The following AOX1 variants were observed in gnomAD, a reference collection of about 807,000 sequenced individuals.
AOX1 encodes aldehyde oxidase 1.
Under a neutral mutation model 169.5 loss-of-function variants are expected in AOX1, and 153 were observed. The ratio of observed to expected loss-of-function variants is 0.90; its 90% CI spans 0.79 to 1.03. The LOEUF (loss-of-function observed/expected upper bound fraction) is 1.03, where lower values mean the gene tolerates loss of function less well. Among genes scored for constraint, AOX1 ranks in the 50% least tolerant of loss-of-function variants. AOX1 has a pLI of 0.00. For missense variants in AOX1, 1,656 were observed against 1,663.9 expected, an observed-to-expected ratio of 1.00 and a Z score of 0.08; for synonymous variants, 562 against 581.9, an observed-to-expected ratio of 0.97 and a Z score of 0.49.
At chr2:200,619,581 C>T (rs1215363082) in intron 16 of AOX1, among the ~76,000 whole-genome samples, 1 of 152,176 alleles carries the variant, frequency 6.6e-6, no homozygotes, top group African/African-American at 2.4e-5. Flanking sequence ...AATACACACC[C>T]GACTGGGAAA....
At chr2:200,648,709 G>C (rs2035517341) in intron 25 of AOX1, among the ~76,000 whole-genome samples, 1 of 152,296 alleles carries the variant, frequency 6.6e-6, no homozygotes, top group South Asian at 2.1e-4. Context: ...ACCATCAGGT[G>C]GGGGCAGGGC....
chr2:200,669,504 T>A, intron 33 of AOX1, 71 bp from the exon 34 acceptor site: 1 of 1,498,882 alleles, frequency 6.7e-7, no homozygotes, highest in Non-Finnish European at 9.1e-7. Flanking sequence ...TATGCACATA[T>A]GCTATAAATA....
chr2:200,621,401 C>G (rs1472370054), intron 18 of AOX1, among the ~76,000 whole-genome samples, 155 bp downstream of exon 18: 1 of 152,106 alleles, frequency 6.6e-6, no homozygotes, highest in African/African-American at 2.4e-5. Context: ...TGAATGAATT[C>G]AAATATATTC....
At chr2:200,643,539 C>T (rs1028682534) in intron 25 of AOX1, among the ~76,000 whole-genome samples, 10 of 152,098 alleles carry the variant, frequency 6.6e-5, no homozygotes, top group Non-Finnish European at 8.8e-5. Flanking sequence ...GTATCTTTTT[C>T]GAATAACAAC....
intron 27 of AOX1, among the ~76,000 whole-genome samples, chr2:200,657,146 A>C (rs2035705043): frequency 7.7e-6 from 1 of 130,248 alleles, no homozygotes; most frequent in African/African-American, 2.8e-5. Context: ...GAACATAGGG[A>C]GATTCCATCT....
intron 18 of AOX1, 79 bp from the exon 19 acceptor site, chr2:200,623,782 A>G: frequency 1.2e-6 from 2 of 1,601,568 alleles, no homozygotes; most frequent in African/African-American, 1.3e-5. Flanking sequence ...ATCGAGTACT[A>G]GGAGGGAGGA....
intron 22 of AOX1, among the ~76,000 whole-genome samples, chr2:200,637,685 C>G (rs1265024206): frequency 6.6e-6 from 1 of 151,968 alleles, no homozygotes; most frequent in East Asian, 1.9e-4. Context: ...GTTATGCTTA[C>G]ATTCATTTGT....
chr2:200,669,595 G>A lies in AOX1; in HGVS notation c.3819G>A (p.Val1273=). The part of the protein sequence containing the change: ...YSSKGLGESG[V]FLGCSVFFAI... ...TCAAGGGTCTGGGAGAGTCGGGGGTGTTCCTGGGGTGTTCCGTGTTTTTCG... is the reference window on the plus strand; with the variant it reads ...TCAAGGGTCTGGGAGAGTCGGGGGTATTCCTGGGGTGTTCCGTGTTTTTCG... The change falls in exon 34 of 35, where the codon GTG becomes GTA. Residue 1273 remains valine (V), a synonymous_variant. Coordinates refer to ENST00000374700, the MANE Select transcript of AOX1 (RefSeq NM_001159.4). The A allele has an allele frequency of 6.2e-7, 1 of 1,614,048 alleles. No individual in the cohort carries two copies. Among genetic ancestry groups the A allele is most frequent in the Non-Finnish European group, 8.5e-7 (1 of 1,180,004 alleles).
rs781740653 is a variant in AOX1, at chr2:200,593,210, T to C, written c.103+7T>C. ...CCTTATTTGAGGAAGAAGCGTATCC[T>C]TTTCTTTACTTTGACTGTGTATGTG... On this transcript the variant is annotated splice_region_variant and intron_variant, in intron 2 of 34. Transcript: ENST00000374700. 7 of 1,611,252 alleles carry C rather than the reference T, an allele frequency of 4.3e-6. No individual in the cohort carries two copies. In the East Asian group the frequency reaches 1.3e-4, roughly 31 times the overall value.
chr2:200,644,567 T>C (rs2035414718), intron 25 of AOX1, among the ~76,000 whole-genome samples: 1 of 152,184 alleles, frequency 6.6e-6, no homozygotes, highest in African/African-American at 2.4e-5. Context: ...TTTAGAATTG[T>C]TTTTTCTAAT....
At chr2:200,630,292 G>A (rs535991745) in intron 20 of AOX1, among the ~76,000 whole-genome samples, 8 of 150,928 alleles carry the variant, frequency 5.3e-5, no homozygotes, top group African/African-American at 1.7e-4. Context: ...TGAGGCTGAA[G>A]CAGGCAGATA....
chr2:200,601,371 C>T (rs2034410384), intron 5 of AOX1, among the ~76,000 whole-genome samples: 1 of 151,912 alleles, frequency 6.6e-6, no homozygotes, highest in Non-Finnish European at 1.5e-5. Context: ...AGGAGTAAGT[C>T]CTAGAGATAC....
Position 200,609,365 on chromosome 2 carries a change from G to C in AOX1, c.1104G>C (p.Leu368=). 6.2e-7 allele frequency: 1 copy of C among 1,614,032 alleles called. No homozygotes were observed. The highest frequency in any genetic ancestry group is 8.5e-7 in the Non-Finnish European group (1 of 1,179,968). ...HIISRHPDSD[L]NPILAVGNCT... ...TTAGCAGGCATCCAGATTCAGATCTGAATCCCATCCTGGCTGTGGGTAACT... is the reference window on the plus strand; with the variant it reads ...TTAGCAGGCATCCAGATTCAGATCTCAATCCCATCCTGGCTGTGGGTAACT... The change falls in exon 12 of 35, where the codon CTG becomes CTC. Residue 368 remains leucine, a synonymous_variant. Transcript: ENST00000374700.
At position 200,642,954 on chromosome 2, in the gene AOX1, C is replaced by G. The variant is rs114254457; in HGVS notation, c.2847+153C>G. On this transcript the variant is annotated intron_variant, in intron 25 of 34. Coordinates refer to ENST00000374700, the MANE Select transcript of AOX1 (RefSeq NM_001159.4). ...AACTGGTTAATGCGGAGCCCAGACT[C>G]CAAAGTTCAGCAATACTCACCTTAC... 5.4e-3 allele frequency among the ~76,000 whole-genome samples: 826 copies of G among 152,264 alleles called. 7 individuals carry two copies. The highest frequency in any genetic ancestry group is 0.019 in the African/African-American group (783 of 41,546).
In AOX1 at chr2:200,652,822, T is replaced by C. The variant is rs544147293; in HGVS notation, c.3075+1621T>C. 4.6e-5 allele frequency among the ~76,000 whole-genome samples: 7 copies of C among 152,308 alleles called. No homozygotes were observed. The East Asian group carries it at 1.2e-3, about 25-fold the overall frequency. On this transcript the variant is annotated intron_variant, in intron 26 of 34. Coordinates refer to ENST00000374700, the MANE Select transcript of AOX1 (RefSeq NM_001159.4). ...GCTCACGCCTGTAATCCCAACACTTTGGGAGGCCAAGACAGGAGAATTGCT... is the reference window on the plus strand; with the variant it reads ...GCTCACGCCTGTAATCCCAACACTTCGGGAGGCCAAGACAGGAGAATTGCT...
At chr2:200,638,139 G>T (rs184566681) in intron 22 of AOX1, 76 bp from the exon 23 acceptor site, 10 of 1,357,060 alleles carry the variant, frequency 7.4e-6, no homozygotes, top group Admixed American at 1.7e-5. Flanking sequence ...TCAGGCTCTT[G>T]CCAGGAGTTA....
intron 20 of AOX1, among the ~76,000 whole-genome samples, chr2:200,632,634 A>T (rs2035150905): frequency 2.5e-5 from 1 of 40,066 alleles, no homozygotes; most frequent in Non-Finnish European, 5.9e-5. Context: ...TTCTTCATTT[A>T]AAAAAAAAAT....
chr2:200,680,744 C>T (rs1178452433), downstream of AOX1, among the ~76,000 whole-genome samples: 1 of 152,010 alleles, frequency 6.6e-6, no homozygotes, highest in Non-Finnish European at 1.5e-5. Flanking sequence ...TGGGGTTTCG[C>T]CATGTTAGCC....
rs964698343 is a variant in AOX1, at chr2:200,660,024, C to T, written c.3330C>T (p.Leu1110=). 8 of 1,613,688 alleles carry T rather than the reference C, an allele frequency of 5.0e-6. No individual in the cohort carries two copies. Among genetic ancestry groups the T allele is most frequent in the Middle Eastern group, 1.6e-4 (1 of 6,084 alleles). The change falls in exon 29 of 35, where the codon CTC becomes CTT. Residue 1110 remains leucine (L), a synonymous_variant. Coordinates refer to ENST00000374700, the MANE Select transcript of AOX1 (RefSeq NM_001159.4). ...CCTGTCAAACTCTTCTAAAACGCCT[C>T]GAACCCATCATCAGCAAGAATCCTA... ...KDACQTLLKR[L]EPIISKNPKG...
Sources: gnomAD v4.1 joint callset for allele counts (sites outside exome capture counted in the v4.1 genomes callset) on GRCh38, gnomAD v4.1.1 for gene constraint, MANE v1.5 for transcripts, NCBI Gene and HGNC (gene_info 2026-07-23, HGNC 2026-07-21) for gene names.